LAMC2: variants seen among roughly 807,000 people sequenced by gnomAD.
LAMC2 encodes laminin subunit gamma-2.
Under a neutral mutation model 140.2 loss-of-function variants are expected in LAMC2, and 97 were observed. The ratio of observed to expected loss-of-function variants is 0.69; its 90% CI spans 0.59 to 0.82. LAMC2 has a LOEUF of 0.82. Among genes scored for constraint, LAMC2 ranks in the 40% least tolerant of loss-of-function variants. LAMC2 has a pLI of 0.00. For synonymous variants in LAMC2, 513 were observed against 540.2 expected (o/e 0.95, Z 0.70); for missense variants, 1,402 against 1,476.1 (o/e 0.95, Z 0.82).
intron 17 of LAMC2, 28 bp downstream of exon 17, chr1:183,236,632 T>C: frequency 6.2e-7 from 1 of 1,612,748 alleles, no homozygotes. Context: ...GTGTGCTTGA[T>C]ATACAGGAGG....
intron 15 of LAMC2, among the ~76,000 whole-genome samples, chr1:183,235,072 TTTTTAA>T (rs1043389615): frequency 1.3e-5 from 2 of 152,110 alleles, no homozygotes; most frequent in Admixed American, 1.3e-4. Flanking sequence ...CCTGAGCTCG[TTTTTAA>T]TTTTGTTTCT....
chr1:183,243,473 G>C lies in LAMC2; in HGVS notation c.*73G>C. 1 of 1,584,022 alleles carries C rather than the reference G, an allele frequency of 6.3e-7. No homozygotes were observed. Among genetic ancestry groups the C allele is most frequent in the Non-Finnish European group, 8.7e-7 (1 of 1,153,268 alleles). On this transcript the variant is annotated 3_prime_UTR_variant, in exon 23 of 23. Coordinates refer to ENST00000264144, the MANE Select transcript of LAMC2 (RefSeq NM_005562.3). ...AGGGCTCGGGAGCCATGTCATGTGA[G>C]TGGGTGGGATGGGGACATTTGAACA... is the stretch of plus-strand genomic sequence containing the variant.
At chr1:183,245,285 G>A (rs946297347), downstream of LAMC2, among the ~76,000 whole-genome samples, 1 of 152,170 alleles carries the variant, frequency 6.6e-6, no homozygotes, top group African/African-American at 2.4e-5. Context: ...GGTCATCTAC[G>A]CAAGCGGCTG....
In LAMC2 at chr1:183,197,190, A is replaced by G. The variant is rs537989564; in HGVS notation, c.80-10691A>G. ...TGAGGTTTGGTCTAGATATGGCTAT[A>G]GTGGAGATGGACTTGATTGGATTTG... On this transcript the variant is annotated intron_variant, in intron 1 of 22. Transcript: ENST00000264144. Among the ~76,000 whole-genome samples the G allele has an allele frequency of 3.3e-5, 5 of 152,336 alleles. No individual in the cohort carries two copies. In the South Asian group the frequency reaches 1.0e-3, roughly 32 times the overall value.
chr1:183,190,188 T>C (rs769790398), intron 1 of LAMC2, among the ~76,000 whole-genome samples: 2 of 152,220 alleles, frequency 1.3e-5, no homozygotes, highest in Non-Finnish European at 2.9e-5. Flanking sequence ...GATAAATCGA[T>C]ATGACCATTA....
chr1:183,232,836 T>G lies in LAMC2; in HGVS notation c.2199T>G (p.Ser733Arg). The G allele has an allele frequency of 6.2e-7, 1 of 1,614,076 alleles. No homozygotes were observed. ...ITQMQLSLAE[S>R]EASLGNTNIP... ...AGATGCAGCTGAGCCTGGCAGAAAGTGAAGCTTCCTTGGGAAACACTGTAG... is the reference window on the plus strand; with the variant it reads ...AGATGCAGCTGAGCCTGGCAGAAAGGGAAGCTTCCTTGGGAAACACTGTAG... The change falls in exon 14 of 23, where the codon AGT (serine) becomes AGG (arginine). Residue 733 changes from serine (S) to arginine (R), a missense_variant. Physicochemically the swap from Ser to Arg is moderately radical, Grantham distance 110 (BLOSUM62 -1). Transcript: ENST00000264144.
intron 7 of LAMC2, among the ~76,000 whole-genome samples, chr1:183,223,858 G>A (rs1009933844): frequency 9.2e-5 from 14 of 152,304 alleles, no homozygotes; most frequent in African/African-American, 3.4e-4. Flanking sequence ...ATGGCTTTGT[G>A]TGTGTCTACA....
chr1:183,206,766 C>T (rs1658899279), intron 1 of LAMC2, among the ~76,000 whole-genome samples: 1 of 152,118 alleles, frequency 6.6e-6, no homozygotes, highest in Non-Finnish European at 1.5e-5. Context: ...TTATTGTCAG[C>T]ACTATGGTTA....
At chr1:183,218,311 C>A (rs957633750) in intron 3 of LAMC2, 79 bp from the exon 4 acceptor site, 4 of 1,139,094 alleles carry the variant, frequency 3.5e-6, no homozygotes, top group Admixed American at 1.7e-5. Context: ...GATGTTTGCT[C>A]ATGAGCAGTT....
chr1:183,221,326 TATAATA>T (rs1659462170), intron 5 of LAMC2, among the ~76,000 whole-genome samples: 2 of 152,196 alleles, frequency 1.3e-5, no homozygotes, highest in Admixed American at 1.3e-4. Context: ...TGTTTTCACA[TATAATA>T]AATGAGCTGA....
At chr1:183,202,387 C>A (rs1658737231) in intron 1 of LAMC2, among the ~76,000 whole-genome samples, 1 of 151,814 alleles carries the variant, frequency 6.6e-6, no homozygotes, top group East Asian at 1.9e-4. Flanking sequence ...TCTCATTGAC[C>A]AAGGATAAAA....
chr1:183,217,415 T>A (rs1352404933), intron 3 of LAMC2, among the ~76,000 whole-genome samples: 1 of 152,100 alleles, frequency 6.6e-6, no homozygotes, highest in Non-Finnish European at 1.5e-5. Flanking sequence ...TCCCAGCAAT[T>A]CCACTCCTAG....
At chr1:183,250,728 T>C in the LAMC2 span, 1 of 152,592 alleles carries the variant, frequency 6.6e-6, no homozygotes, top group South Asian at 2.1e-4. Flanking sequence ...TACCCCAAAA[T>C]AGGATTTTCC....
the LAMC2 span, among the ~76,000 whole-genome samples, chr1:183,253,304 T>C: frequency 1.4e-5 from 2 of 148,100 alleles, no homozygotes; most frequent in East Asian, 3.9e-4. Flanking sequence ...TAATATTATA[T>C]TATATTATAT....
intron 6 of LAMC2, among the ~76,000 whole-genome samples, chr1:183,222,581 TA>T (rs1371903852): frequency 2.1e-5 from 3 of 144,312 alleles, no homozygotes; most frequent in African/African-American, 8.1e-5. Context: ...CAAATACCTG[TA>T]AGTTAAAAAA....
chr1:183,239,271 T>C (rs1660054935), intron 19 of LAMC2, 93 bp from the exon 20 acceptor site: 2 of 1,145,670 alleles, frequency 1.7e-6, no homozygotes, highest in East Asian at 4.7e-5. Flanking sequence ...AATAACACTC[T>C]TTCAGGAATT....
rs780619508 is a variant in LAMC2, at chr1:183,226,840, T to A, written c.1209T>A (p.Asp403Glu). The change falls in exon 9 of 23, where the codon GAT (aspartate) becomes GAA (glutamate). Residue 403 changes from aspartate to glutamate, a missense_variant. Transcript: ENST00000264144. ...CQDCASGYKR[D>E]SARLGPFGTC... ...ATTGTGCTTCTGGCTACAAGAGAGA[T>A]TCAGCGAGACTGGGGCCTTTTGGCA... 2 of 1,614,164 alleles carry A rather than the reference T, an allele frequency of 1.2e-6. No homozygotes were observed. Among genetic ancestry groups the A allele is most frequent in the Non-Finnish European group, 1.7e-6 (2 of 1,180,036 alleles).
chr1:183,219,466 T>C (rs546809488), intron 4 of LAMC2, among the ~76,000 whole-genome samples: 9 of 152,210 alleles, frequency 5.9e-5, no homozygotes, highest in Non-Finnish European at 1.3e-4. Flanking sequence ...CCAGTGACAA[T>C]GCCCCCCTCC....
rs773712566 is a variant in LAMC2, at chr1:183,234,428, C to A, written c.2282C>A (p.Ala761Asp). 40 of 1,613,874 alleles carry A rather than the reference C, an allele frequency of 2.5e-5. No homozygotes were observed. Among genetic ancestry groups the A allele is most frequent in the Non-Finnish European group, 3.4e-5 (40 of 1,179,864 alleles). The stretch of plus-strand genomic sequence containing the variant: ...GGCTTTAAAAGTCTGGCTCAGGAGG[C>A]CACAAGATTAGCAGAAAGGTGAGCA... ...PNGFKSLAQE[A>D]TRLAESHVES... is the part of the protein sequence containing the mutation. Residue 761 changes from alanine to aspartate, a missense_variant, in exon 15 of 23, where the codon GCC becomes GAC. Physicochemically the swap from Ala to Asp is moderately radical, Grantham distance 126 (BLOSUM62 -2). Transcript: ENST00000264144.
Sources: allele counts gnomAD v4.1 joint callset (sites outside exome capture counted in the v4.1 genomes callset), GRCh38; gene constraint gnomAD v4.1.1; transcripts MANE v1.5; gene names NCBI Gene and HGNC (gene_info 2026-07-23, HGNC 2026-07-21).